Variants in AFAP1L2 observed in about 807,000 individuals in gnomAD.
AFAP1L2 encodes actin filament associated protein 1 like 2.
In AFAP1L2, 46 loss-of-function variants were observed where a neutral mutation model predicts 99.3. The observed-to-expected ratio is 0.46, with a 90% CI of 0.37 to 0.59. The LOEUF is 0.59. AFAP1L2 is among the 20% of genes least tolerant of loss of function. AFAP1L2 has a pLI of 0.00. For synonymous variants in AFAP1L2, 397 were observed against 419.1 expected (o/e 0.95, Z 0.64); for missense variants, 959 against 1,034.9 (o/e 0.93, Z 1.01).
downstream of AFAP1L2, chr10:114,290,102 C>A: frequency 8.4e-7 from 1 of 1,190,036 alleles, no homozygotes; most frequent in East Asian, 2.6e-5. Context: ...TGGTATGCAG[C>A]ACCAACCATG....
chr10:114,347,097 T>G (rs924647676), intron 1 of AFAP1L2, among the ~76,000 whole-genome samples: 1 of 152,188 alleles, frequency 6.6e-6, no homozygotes, highest in Non-Finnish European at 1.5e-5. Context: ...GACCTGCGCT[T>G]TATATAGAAA....
In AFAP1L2 at chr10:114,360,521, A is replaced by ATAGATAGT. The variant is rs1554937764; in HGVS notation, c.17-19791_17-19790insACTATCTA. On this transcript the variant is annotated intron_variant, in intron 1 of 18. Coordinates refer to ENST00000304129, the MANE Select transcript of AFAP1L2 (RefSeq NM_001001936.3). ...GATAGATAGATAGTTAGATAGATAG[A>ATAGATAGT]TAGATAGATAGATAGATAGATAGAT... Among the ~76,000 whole-genome samples, 535 of 145,844 alleles carry ATAGATAGT rather than the reference A, an allele frequency of 3.7e-3. 3 individuals carry two copies. Among genetic ancestry groups the ATAGATAGT allele is most frequent in the Non-Finnish European group, 5.4e-3 (362 of 67,572 alleles).
chr10:114,363,271 C>T (rs760563140), intron 1 of AFAP1L2: 27 of 737,318 alleles, frequency 3.7e-5, no homozygotes, highest in East Asian at 2.6e-4. Context: ...GCTTCTTTAC[C>T]GTAACATGTA....
chr10:114,390,581 C>T (rs1565077864), intron 1 of AFAP1L2, among the ~76,000 whole-genome samples: 1 of 152,002 alleles, frequency 6.6e-6, no homozygotes, highest in Non-Finnish European at 1.5e-5. Context: ...GTTAGCCAGG[C>T]ATGGTGGCAC....
At chr10:114,360,649 G>A (rs2052257834) in intron 1 of AFAP1L2, among the ~76,000 whole-genome samples, 1 of 152,112 alleles carries the variant, frequency 6.6e-6, no homozygotes. Context: ...GCAAACCAAG[G>A]AGATAATCTG....
intron 5 of AFAP1L2, among the ~76,000 whole-genome samples, chr10:114,318,552 A>C (rs1362069531): frequency 1.3e-5 from 2 of 152,018 alleles, no homozygotes; most frequent in African/African-American, 4.8e-5. Flanking sequence ...CAGCCTGGCC[A>C]ACATGGTGAA....
chr10:114,306,432 C>T (rs888110257), intron 10 of AFAP1L2, among the ~76,000 whole-genome samples: 28 of 144,644 alleles, frequency 1.9e-4, no homozygotes, highest in African/African-American at 6.4e-4. Context: ...TCCTTAGAGT[C>T]CCCCAGATTC....
chr10:114,307,973 T>C (rs2042675247), intron 9 of AFAP1L2, 64 bp from the exon 10 acceptor site: 1 of 1,469,274 alleles, frequency 6.8e-7, no homozygotes, highest in South Asian at 1.1e-5. Flanking sequence ...CCATGAGAGA[T>C]GGAAAAAATA....
chr10:114,290,449 G>A, downstream of AFAP1L2: 1 of 1,520,854 alleles, frequency 6.6e-7, no homozygotes, highest in East Asian at 2.5e-5. Context: ...GCTGAAGGCA[G>A]GTTCTAAAAC....
chr10:114,402,753 A>G (rs2058343074), intron 1 of AFAP1L2, among the ~76,000 whole-genome samples: 1 of 152,242 alleles, frequency 6.6e-6, no homozygotes, highest in Admixed American at 6.5e-5. Flanking sequence ...ATAACGGGAC[A>G]TTTTGAAAGA....
chr10:114,309,830 C>G (rs1469740497), intron 8 of AFAP1L2, among the ~76,000 whole-genome samples: 1 of 152,164 alleles, frequency 6.6e-6, no homozygotes, highest in Non-Finnish European at 1.5e-5. Context: ...ACCCCCGGCA[C>G]CTACAAGCAA....
intron 1 of AFAP1L2, among the ~76,000 whole-genome samples, chr10:114,376,396 G>C (rs1282053668): frequency 6.6e-6 from 1 of 152,186 alleles, no homozygotes; most frequent in Non-Finnish European, 1.5e-5. Context: ...GGGAATCAAT[G>C]CCAATTAAGA....
chr10:114,373,489 G>A (rs180735009), intron 1 of AFAP1L2, among the ~76,000 whole-genome samples: 2 of 152,210 alleles, frequency 1.3e-5, no homozygotes, highest in East Asian at 1.9e-4. Context: ...GCTGGGCGTG[G>A]TGGTGCATGC....
chr10:114,327,837 G>GAGGCATCCTCACAGCTCT (rs2046616055), intron 4 of AFAP1L2, among the ~76,000 whole-genome samples: 1 of 152,230 alleles, frequency 6.6e-6, no homozygotes, highest in Non-Finnish European at 1.5e-5. Flanking sequence ...CAGAGGACCC[G>GAGGCATCCTCACAGCTCT]AGGCATCCTC....
intron 1 of AFAP1L2, among the ~76,000 whole-genome samples, chr10:114,396,306 A>T (rs1254331855): frequency 1.3e-5 from 2 of 152,142 alleles, no homozygotes; most frequent in Non-Finnish European, 2.9e-5. Context: ...TTGATTAAAA[A>T]ACAAATAAAT....
downstream of AFAP1L2, among the ~76,000 whole-genome samples, chr10:114,290,536 G>T (rs2039480219): frequency 6.6e-6 from 1 of 152,238 alleles, no homozygotes; most frequent in Non-Finnish European, 1.5e-5. Context: ...CCCAGGCATT[G>T]TTCTCAGTGC....
chr10:114,365,557 A>G (rs747128455), intron 1 of AFAP1L2, among the ~76,000 whole-genome samples: 3 of 152,172 alleles, frequency 2.0e-5, no homozygotes, highest in Non-Finnish European at 2.9e-5. Context: ...TACCTACAGT[A>G]GCCCCAATGA....
At chr10:114,327,161 ATATATATATATAT>A (rs2046451630) in intron 4 of AFAP1L2, among the ~76,000 whole-genome samples, 1 of 81,510 alleles carries the variant, frequency 1.2e-5, no homozygotes, top group African/African-American at 3.2e-5. Context: ...ATATATATAT[ATATATATATATAT>A]TTTTTTTTTA....
At chr10:114,345,412 T>C (rs2049403709) in intron 1 of AFAP1L2, among the ~76,000 whole-genome samples, 1 of 152,102 alleles carries the variant, frequency 6.6e-6, no homozygotes, top group Non-Finnish European at 1.5e-5. Context: ...CTCAAGAGGA[T>C]GGATGGAAGG....
Sources: gnomAD v4.1 joint callset for allele counts (sites outside exome capture counted in the v4.1 genomes callset) on GRCh38, gnomAD v4.1.1 for gene constraint, MANE v1.5 for transcripts, NCBI Gene and HGNC (gene_info 2026-07-23, HGNC 2026-07-21) for gene names.